The following CLCN1 variants were observed in gnomAD, a reference collection of about 807,000 sequenced individuals.
CLCN1 encodes chloride voltage-gated channel 1, also known as chloride channel protein 1.
A neutral mutation model predicts 114.5 loss-of-function variants in CLCN1; 100 were observed. That is an observed-to-expected ratio of 0.87 (90% confidence interval 0.74 to 1.03). CLCN1 has a LOEUF of 1.03. Among genes scored for constraint, CLCN1 ranks in the 50% least tolerant of loss-of-function variants. The pLI, the probability that CLCN1 is intolerant of heterozygous loss-of-function variation, is 0.00. For missense variants in CLCN1, 1,188 were observed against 1,250.0 expected (o/e 0.95, Z 0.75); for synonymous variants, 485 against 487.1 (o/e 1.00, Z 0.06).
In CLCN1 at chr7:143,321,870, C is replaced by T; in HGVS notation, c.696+22C>T. On this transcript the variant is annotated intron_variant, in intron 5 of 22. Transcript: ENST00000343257. This position sits in a 1 kb window ranked among gnomAD's most constrained non-coding sequence, Gnocchi z 4.2. Reference sequence around the variant, plus strand: ...AGAGGTAGGCCTGGCATGACTGAAGCCAGAGCTGGGAGGGGCCCTCAGGAG... The same window carrying T: ...AGAGGTAGGCCTGGCATGACTGAAGTCAGAGCTGGGAGGGGCCCTCAGGAG... The T allele has an allele frequency of 6.2e-7, 1 of 1,612,732 alleles. No individual in the cohort carries two copies. Among genetic ancestry groups the T allele is most frequent in the East Asian group, 2.2e-5 (1 of 44,856 alleles).
intron 1 of CLCN1, among the ~76,000 whole-genome samples, chr7:143,316,641 G>C (rs1384729916): frequency 6.6e-6 from 1 of 152,158 alleles, no homozygotes; most frequent in African/African-American, 2.4e-5. Flanking sequence ...AAATCATATG[G>C]GGAAACAGCA....
intron 12 of CLCN1, among the ~76,000 whole-genome samples, chr7:143,337,525 G>A (rs1026825927): frequency 5.9e-5 from 9 of 152,070 alleles, no homozygotes; most frequent in East Asian, 1.9e-4. Flanking sequence ...TTCTTTCTAC[G>A]GTTCTGAAAA....
chr7:143,317,677 A>C (rs1485161613), intron 1 of CLCN1, among the ~76,000 whole-genome samples: 1 of 152,024 alleles, frequency 6.6e-6, no homozygotes, highest in Admixed American at 6.6e-5. Context: ...CTGGGGGTCA[A>C]AAGGATCTGC....
intron 16 of CLCN1, among the ~76,000 whole-genome samples, chr7:143,344,843 C>T (rs1160657463): frequency 2.0e-5 from 3 of 151,530 alleles, no homozygotes; most frequent in Admixed American, 6.6e-5. Context: ...CTCTGCCTCC[C>T]GGGTTCAAGC....
chr7:143,347,360 C>T (rs1393444661), intron 20 of CLCN1, among the ~76,000 whole-genome samples: 4 of 152,144 alleles, frequency 2.6e-5, no homozygotes, highest in Non-Finnish European at 5.9e-5. Flanking sequence ...GTGGCTCATG[C>T]CTGTAATTCC....
chr7:143,317,153 G>A (rs537030245), intron 1 of CLCN1, among the ~76,000 whole-genome samples: 142 of 152,184 alleles, frequency 9.3e-4, no homozygotes, highest in Middle Eastern at 6.8e-3. Context: ...GAAAAAGATA[G>A]GTCATGGTTA....
intron 5 of CLCN1, 94 bp from the exon 6 acceptor site, chr7:143,323,215 C>T (rs1209031616): frequency 2.5e-6 from 2 of 784,634 alleles, no homozygotes; most frequent in Non-Finnish European, 4.6e-6. Flanking sequence ...GCCCCTGGCA[C>T]AGTGCCTGGA....
chr7:143,339,615 G>C lies in CLCN1; in HGVS notation c.1576G>C (p.Val526Leu). The stretch of plus-strand genomic sequence containing the variant: ...CAAGATCCTACCTGGGGGCTATGCA[G>C]TAATTGGTGAGAAACATTCCCACTT... ...IYKILPGGYA[V>L]IGAAALTGAV... is the part of the protein sequence containing the mutation. The change falls in exon 14 of 23, where the codon GTA (valine) becomes CTA (leucine). Residue 526 changes from valine to leucine, a missense_variant. Transcript: ENST00000343257. The surrounding 1 kb of genome is among the most constrained non-coding windows in gnomAD (Gnocchi z 4.1). The C allele has an allele frequency of 6.3e-7, 1 of 1,593,520 alleles. No homozygotes were observed. The highest frequency in any genetic ancestry group is 8.6e-7 in the Non-Finnish European group (1 of 1,161,286).
Position 143,331,600 on chromosome 7 carries a change from GTCATGC to G in CLCN1, c.1117_1122del (p.Met373_Leu374del). On this transcript the variant is annotated inframe_deletion, in exon 10 of 23. Coordinates refer to ENST00000343257, the MANE Select transcript of CLCN1 (RefSeq NM_000083.3). ...TGTATTTGTGTATCTGCATCGCCAA[GTCATGC>G]TCGGTGTCCGAAAGCACAAGGCCCT... The G allele has an allele frequency of 6.2e-7, 1 of 1,614,178 alleles. No individual in the cohort carries two copies. Among genetic ancestry groups the G allele is most frequent in the South Asian group, 1.1e-5 (1 of 91,082 alleles).
intron 7 of CLCN1, among the ~76,000 whole-genome samples, chr7:143,325,729 G>A (rs992493153): frequency 8.5e-5 from 13 of 152,290 alleles, no homozygotes; most frequent in African/African-American, 2.9e-4. Flanking sequence ...TTAACATGAA[G>A]AGAATTTGCA....
intron 20 of CLCN1, among the ~76,000 whole-genome samples, chr7:143,347,519 G>C (rs2116389746): frequency 6.6e-6 from 1 of 151,596 alleles, no homozygotes; most frequent in Admixed American, 6.6e-5. Context: ...TATTTGGGAG[G>C]CTGAGGCACG....
At chr7:143,320,276 CT>C (rs1443764865) in intron 2 of CLCN1, among the ~76,000 whole-genome samples, 1 of 152,216 alleles carries the variant, frequency 6.6e-6, no homozygotes, top group African/African-American at 2.4e-5. Flanking sequence ...TGCTTGGCCC[CT>C]CTAAGTATTA....
At position 143,316,148 on chromosome 7, in the gene CLCN1, G is replaced by A. The variant is rs1802283310; in HGVS notation, c.-65G>A. 1 of 1,343,474 alleles carries A rather than the reference G, an allele frequency of 7.4e-7. No individual in the cohort carries two copies. The highest frequency in any genetic ancestry group is 1.1e-6 in the Non-Finnish European group (1 of 939,836). The allele number at this position is 1,343,474 out of a possible 1,614,324, so 83.2% of individuals were successfully genotyped here. ...GACAGCAAGAGCAGAGGCTTAAGGA[G>A]CTACACTGGGGGAAGGACAGGGGCA... On this transcript the variant is annotated 5_prime_UTR_variant, in exon 1 of 23. Coordinates refer to ENST00000343257, the MANE Select transcript of CLCN1 (RefSeq NM_000083.3).
chr7:143,345,529 A>G lies in CLCN1; in HGVS notation c.1939A>G (p.Ile647Val), dbSNP rs1458212859. The G allele has an allele frequency of 6.5e-7, 1 of 1,536,714 alleles. No homozygotes were observed. The highest frequency in any genetic ancestry group is 8.8e-7 in the Non-Finnish European group (1 of 1,137,254). ...GCGTGGGTTTCCCTCAGATTCAATGATCCTGCTGGGCTCGGTGGAGCGGTC... is the reference window on the plus strand; with the variant it reads ...GCGTGGGTTTCCCTCAGATTCAATGGTCCTGCTGGGCTCGGTGGAGCGGTC... ...LPLVDSKDSMILLGSVERSEL... is the reference protein window; with the variant it reads ...LPLVDSKDSMVLLGSVERSEL... Residue 647 changes from isoleucine (I) to valine (V), a missense_variant, in exon 17 of 23, where the codon ATC becomes GTC. Physicochemically the swap from Ile to Val is conservative, Grantham distance 29. Transcript: ENST00000343257.
chr7:143,332,049 G>A (rs543510153), intron 10 of CLCN1, among the ~76,000 whole-genome samples: 2 of 152,112 alleles, frequency 1.3e-5, no homozygotes, highest in Non-Finnish European at 2.9e-5. Context: ...GGCTGGTCTC[G>A]AACTTGTGAC....
intron 16 of CLCN1, among the ~76,000 whole-genome samples, chr7:143,344,130 G>C (rs1019271229): frequency 6.6e-6 from 1 of 152,236 alleles, no homozygotes; most frequent in African/African-American, 2.4e-5. Context: ...ATGAGCCACT[G>C]TGCCCGGCTG....
At position 143,342,511 on chromosome 7, in the gene CLCN1, T is replaced by G; in HGVS notation, c.1930+6T>G. 1.4e-5 allele frequency: 22 copies of G among 1,613,846 alleles called. No individual in the cohort carries two copies. Among genetic ancestry groups the G allele is most frequent in the Non-Finnish European group, 1.9e-5 (22 of 1,179,942 alleles). On this transcript the variant is annotated splice_donor_region_variant and intron_variant, in intron 16 of 22. Coordinates refer to ENST00000343257, the MANE Select transcript of CLCN1 (RefSeq NM_000083.3). ...ACCACTGGTTGACTCAAAAGGTCAG[T>G]GGGGAGGAAGAAGTCGACTCCAGAG...
chr7:143,335,493 TTGG>T (rs1235686010), intron 12 of CLCN1, among the ~76,000 whole-genome samples: 1 of 152,198 alleles, frequency 6.6e-6, no homozygotes, highest in Non-Finnish European at 1.5e-5. Flanking sequence ...TGTCTAATCA[TTGG>T]ACACAATAAC....
Position 143,345,771 on chromosome 7 carries a change from G to C in CLCN1, c.2172+9G>C. The C allele has an allele frequency of 1.2e-6, 2 of 1,607,446 alleles. No homozygotes were observed. Among genetic ancestry groups the C allele is most frequent in the African/African-American group, 2.7e-5 (2 of 74,970 alleles). ...TCTCTGGCAAGAGCGAGGTGACCGCGCCGGGAAGGGCTAGGGAGTGGGATA... is the reference window on the plus strand; with the variant it reads ...TCTCTGGCAAGAGCGAGGTGACCGCCCCGGGAAGGGCTAGGGAGTGGGATA... On this transcript the variant is annotated intron_variant, in intron 17 of 22. Coordinates refer to ENST00000343257, the MANE Select transcript of CLCN1 (RefSeq NM_000083.3).
Sources: allele counts gnomAD v4.1 joint callset (sites outside exome capture counted in the v4.1 genomes callset), GRCh38; gene constraint gnomAD v4.1.1; non-coding constraint Gnocchi (gnomAD v3.1); transcripts MANE v1.5; gene names NCBI Gene and HGNC (gene_info 2026-07-23, HGNC 2026-07-21).